NXPH1: variants seen among roughly 807,000 people sequenced by gnomAD.
NXPH1 encodes neurexophilin 1.
In NXPH1, 5 loss-of-function variants were observed where a neutral mutation model predicts 23.7. The ratio of observed to expected loss-of-function variants is 0.21; its 90% confidence interval spans 0.11 to 0.44. The LOEUF is 0.44. Among genes scored for constraint, NXPH1 ranks in the 20% least tolerant of loss-of-function variants. NXPH1 has a pLI of 0.99. For synonymous variants in NXPH1, 144 were observed against 122.2 expected (o/e 1.18, Z -1.18); for missense variants, 324 against 321.6 (o/e 1.01, Z -0.06).
intron 2 of NXPH1, among the ~76,000 whole-genome samples, chr7:8,691,412 G>T (rs77324210): frequency 0.089 from 13,501 of 152,272 alleles, 792 homozygotes; most frequent in Non-Finnish European, 0.13. Flanking sequence ...GCCTCCCAAA[G>T]TGCTGGGATC....
intron 2 of NXPH1, among the ~76,000 whole-genome samples, chr7:8,612,157 C>T (rs1819634916): frequency 6.6e-6 from 1 of 151,176 alleles, no homozygotes; most frequent in Non-Finnish European, 1.5e-5. Context: ...TCTTTCCTTT[C>T]TCTTTCTGTC....
chr7:8,572,553 A>G (rs944022473), intron 2 of NXPH1, among the ~76,000 whole-genome samples: 7 of 152,008 alleles, frequency 4.6e-5, no homozygotes, highest in African/African-American at 1.7e-4. Context: ...TATCAAACAA[A>G]CAGTAGACAT....
intron 2 of NXPH1, among the ~76,000 whole-genome samples, chr7:8,712,735 A>G (rs1055372725): frequency 6.6e-6 from 1 of 152,230 alleles, no homozygotes; most frequent in African/African-American, 2.4e-5. Flanking sequence ...CAGATGAGGA[A>G]TATGAAACTC....
intron 2 of NXPH1, among the ~76,000 whole-genome samples, chr7:8,519,721 A>T (rs1377101467): frequency 2.0e-5 from 3 of 152,178 alleles, no homozygotes; most frequent in Non-Finnish European, 4.4e-5. Context: ...CTTGAAAGCC[A>T]TGCATGGGCT....
chr7:8,743,745 G>A (rs546968586), intron 2 of NXPH1, among the ~76,000 whole-genome samples: 27 of 150,234 alleles, frequency 1.8e-4, no homozygotes, highest in Admixed American at 5.3e-4. Flanking sequence ...GTGCAGTGGC[G>A]TGATCTTGGT....
chr7:8,725,580 C>A (rs1780038241), intron 2 of NXPH1, among the ~76,000 whole-genome samples: 2 of 151,958 alleles, frequency 1.3e-5, no homozygotes, highest in African/African-American at 2.4e-5. Flanking sequence ...GCATGATTCA[C>A]CAAAAATATT....
intron 2 of NXPH1, among the ~76,000 whole-genome samples, chr7:8,484,782 G>C (rs1301009607): frequency 6.6e-6 from 1 of 151,914 alleles, no homozygotes; most frequent in African/African-American, 2.4e-5. Context: ...CTTTAATCAG[G>C]GAAAAATATT....
intron 2 of NXPH1, among the ~76,000 whole-genome samples, chr7:8,683,380 A>G (rs1041129687): frequency 2.6e-5 from 4 of 152,186 alleles, no homozygotes; most frequent in Admixed American, 2.6e-4. Flanking sequence ...GCTGAATTGC[A>G]CAACACTCCT....
chr7:8,507,793 TC>T (rs1348651392), intron 2 of NXPH1, among the ~76,000 whole-genome samples: 3 of 152,124 alleles, frequency 2.0e-5, no homozygotes, highest in Non-Finnish European at 4.4e-5. Flanking sequence ...AAGCAGTCTT[TC>T]CTCAGCACCT....
intron 2 of NXPH1, among the ~76,000 whole-genome samples, chr7:8,647,756 G>C (rs980621719): frequency 6.8e-6 from 1 of 146,880 alleles, no homozygotes; most frequent in East Asian, 2.0e-4. Flanking sequence ...TTTAATCACT[G>C]ATTCAATTTT....
intron 2 of NXPH1, among the ~76,000 whole-genome samples, chr7:8,632,376 AT>A (rs1484828980): frequency 2.6e-5 from 4 of 152,110 alleles, no homozygotes; most frequent in Admixed American, 2.6e-4. Context: ...TCTTGATTCC[AT>A]TGCTTACCTG....
intron 2 of NXPH1, among the ~76,000 whole-genome samples, chr7:8,471,547 A>G (rs1179470629): frequency 6.6e-6 from 1 of 152,128 alleles, no homozygotes; most frequent in East Asian, 1.9e-4. Flanking sequence ...AACCTCCCTT[A>G]GGAACTCATT....
chr7:8,622,373 G>C (rs1819895480), intron 2 of NXPH1, among the ~76,000 whole-genome samples: 1 of 152,184 alleles, frequency 6.6e-6, no homozygotes, highest in Non-Finnish European at 1.5e-5. Context: ...TGTGAGCAGA[G>C]CTGTGACTTG....
intron 2 of NXPH1, among the ~76,000 whole-genome samples, chr7:8,647,407 A>G (rs545753347): frequency 6.6e-6 from 1 of 152,288 alleles, no homozygotes; most frequent in African/African-American, 2.4e-5. Flanking sequence ...CCTTCTGTCC[A>G]TCCATGGTCA....
intron 2 of NXPH1, among the ~76,000 whole-genome samples, chr7:8,582,956 G>C (rs745581472): frequency 3.3e-5 from 5 of 152,182 alleles, no homozygotes; most frequent in African/African-American, 7.2e-5. Context: ...GCCACCCTCA[G>C]CACCCCCTTG....
intron 2 of NXPH1, among the ~76,000 whole-genome samples, chr7:8,713,308 A>G (rs1779824850): frequency 1.3e-5 from 2 of 151,838 alleles, no homozygotes; most frequent in South Asian, 4.2e-4. Flanking sequence ...ATTTATTTCT[A>G]TTTCTTTGCT....
Position 8,751,028 on chromosome 7 carries a change from G to C in NXPH1, c.75G>C (p.Thr25=), listed in dbSNP as rs371803371. Reference sequence around the variant, plus strand: ...TTCAGGTCACATGTGCCAATTTAACGAACGGTGGAAAGTCAGAACTTCTGA... The same window carrying C: ...TTCAGGTCACATGTGCCAATTTAACCAACGGTGGAAAGTCAGAACTTCTGA... ...TVYLVTCANL[T]NGGKSELLKS... Residue 25 remains threonine (T), a synonymous_variant, in exon 3 of 3, where the codon ACG becomes ACC. Coordinates refer to ENST00000405863, the MANE Select transcript of NXPH1 (RefSeq NM_152745.3). The surrounding 1 kb of genome is among the most constrained non-coding windows in gnomAD (Gnocchi z 4.5). 5.6e-6 allele frequency: 9 copies of C among 1,613,502 alleles called. No homozygotes were observed. Among genetic ancestry groups the C allele is most frequent in the Non-Finnish European group, 6.8e-6 (8 of 1,179,572 alleles).
intron 2 of NXPH1, among the ~76,000 whole-genome samples, chr7:8,539,857 GA>G (rs1818085818): frequency 6.6e-6 from 1 of 151,554 alleles, no homozygotes; most frequent in African/African-American, 2.4e-5. Flanking sequence ...TCTCATCTTT[GA>G]TAACTCTTGG....
At chr7:8,682,724 G>C (rs556824670) in intron 2 of NXPH1, among the ~76,000 whole-genome samples, 1 of 152,324 alleles carries the variant, frequency 6.6e-6, no homozygotes, top group African/African-American at 2.4e-5. Flanking sequence ...TTGACCATCA[G>C]TCAGAAGCAA....
Sources: allele counts gnomAD v4.1 joint callset (sites outside exome capture counted in the v4.1 genomes callset), GRCh38; gene constraint gnomAD v4.1.1; non-coding constraint Gnocchi (gnomAD v3.1); transcripts MANE v1.5; gene names NCBI Gene and HGNC (gene_info 2026-07-23, HGNC 2026-07-21).